The following PLA1A variants were observed in gnomAD, a reference collection of about 807,000 sequenced individuals.
The protein encoded by PLA1A is phosphatidylserine-specific phospholipase A1alpha.
Under a neutral mutation model 49.4 loss-of-function variants are expected in PLA1A, and 47 were observed. The observed-to-expected ratio is 0.95, with a 90% CI of 0.75 to 1.21. The LOEUF is 1.21. Ranked by LOEUF, PLA1A falls within the 50% of genes most tolerant of loss-of-function variation. The probability of loss-of-function intolerance (pLI) is 0.00; values close to 1 mark genes in which losing one functional copy is unlikely to be tolerated. For synonymous variants in PLA1A, 224 were observed against 207.9 expected (o/e 1.08, Z -0.67); for missense variants, 561 against 563.9 (o/e 0.99, Z 0.05).
intron 5 of PLA1A, among the ~76,000 whole-genome samples, chr3:119,615,035 G>GGGCT (rs2082826552): frequency 6.6e-6 from 1 of 152,196 alleles, no homozygotes. Context: ...GACTCATGAT[G>GGGCT]GGCTGCATGT....
intron 1 of PLA1A, among the ~76,000 whole-genome samples, chr3:119,602,012 A>G (rs1456547839): frequency 6.6e-6 from 1 of 152,118 alleles, no homozygotes; most frequent in Non-Finnish European, 1.5e-5. Flanking sequence ...TTGGCCCAGC[A>G]AACCTTGCTG....
At chr3:119,601,641 A>T (rs1232513527) in intron 1 of PLA1A, among the ~76,000 whole-genome samples, 1 of 152,194 alleles carries the variant, frequency 6.6e-6, no homozygotes, top group Non-Finnish European at 1.5e-5. Flanking sequence ...AAATACTGGC[A>T]ATTTTCTTCT....
intron 4 of PLA1A, among the ~76,000 whole-genome samples, chr3:119,611,723 G>T (rs2082766345): frequency 6.6e-6 from 1 of 152,188 alleles, no homozygotes; most frequent in Non-Finnish European, 1.5e-5. Flanking sequence ...CTGAGACTTT[G>T]CTGGAGTTGT....
intron 9 of PLA1A, 49 bp from the exon 10 acceptor site, chr3:119,628,652 G>A (rs201546738): frequency 6.4e-7 from 1 of 1,568,728 alleles, no homozygotes; most frequent in Non-Finnish European, 8.7e-7. Context: ...GGGAAGTACA[G>A]GTGGTAAGGG....
In PLA1A at chr3:119,618,079, A is replaced by G. The variant is rs2082877308; in HGVS notation, c.815A>G (p.Glu272Gly). 3.1e-6 allele frequency: 5 copies of G among 1,613,892 alleles called. No homozygotes were observed. Among genetic ancestry groups the G allele is most frequent in the Non-Finnish European group, 4.2e-6 (5 of 1,179,856 alleles). ...GTGCACCTCTACATCAGCGCCCTGG[A>G]GAATTCCTGTCCACTGATGGCCTTT... ...RAVHLYISALENSCPLMAFPC... is the reference protein window; with the variant it reads ...RAVHLYISALGNSCPLMAFPC... Residue 272 changes from glutamate to glycine, a missense_variant, in exon 7 of 11, where the codon GAG becomes GGG. Glu to Gly is a moderately conservative substitution (Grantham distance 98). Coordinates refer to ENST00000273371, the MANE Select transcript of PLA1A (RefSeq NM_015900.4).
chr3:119,612,729 C>T (rs2082785640), intron 4 of PLA1A, among the ~76,000 whole-genome samples: 1 of 152,154 alleles, frequency 6.6e-6, no homozygotes, highest in Admixed American at 6.5e-5. Context: ...ACCTCGTGAT[C>T]CGCCTGCCTC....
intron 1 of PLA1A, among the ~76,000 whole-genome samples, chr3:119,599,513 T>A (rs1432188225): frequency 2.0e-5 from 3 of 151,612 alleles, no homozygotes; most frequent in Admixed American, 1.3e-4. Context: ...GGTTGAGGAG[T>A]GGGAGGACTA....
At chr3:119,607,370 T>A (rs763759388) in intron 2 of PLA1A, among the ~76,000 whole-genome samples, 1 of 152,262 alleles carries the variant, frequency 6.6e-6, no homozygotes, top group African/African-American at 2.4e-5. Flanking sequence ...GATGGAGCTA[T>A]GCACGTCTCT....
Position 119,609,500 on chromosome 3 carries a change from C to A in PLA1A, c.486C>A (p.Ile162=), listed in dbSNP as rs2082736757. 1.2e-6 allele frequency: 2 copies of A among 1,612,662 alleles called. No homozygotes were observed. Among genetic ancestry groups the A allele is most frequent in the South Asian group, 1.1e-5 (1 of 91,060 alleles). The change falls in exon 4 of 11, where the codon ATC becomes ATA. Residue 162 remains isoleucine (I), a synonymous_variant. Transcript: ENST00000273371. ...GTGTGTCGGAATCCTCAATCCACAT[C>A]ATTGGTGTTAGCCTGGGGGCCCACG... ...VLGVSESSIH[I]IGVSLGAHVG...
chr3:119,608,459 AG>A (rs1428928130), intron 2 of PLA1A, among the ~76,000 whole-genome samples: 8 of 152,202 alleles, frequency 5.3e-5, no homozygotes, highest in Non-Finnish European at 1.2e-4. Flanking sequence ...CCTTGTGCAA[AG>A]GTGCCTGACA....
intron 9 of PLA1A, 126 bp downstream of exon 9, chr3:119,625,358 T>C (rs1577156457): frequency 9.4e-6 from 6 of 638,698 alleles, no homozygotes; most frequent in Non-Finnish European, 1.4e-5. Flanking sequence ...CCGGCTTGGC[T>C]GGGGGCAGCA....
At position 119,629,491 on chromosome 3, in the gene PLA1A, T is replaced by G; in HGVS notation, c.*23T>G. On this transcript the variant is annotated 3_prime_UTR_variant, in exon 11 of 11. Transcript: ENST00000273371. ...TAGTTTAACCTGGGCAGGACACATC[T>G]CCCTGCATTTTTTTTTTTTTTTTGA... 1 of 1,269,966 alleles carries G rather than the reference T, an allele frequency of 7.9e-7. No individual in the cohort carries two copies. Among genetic ancestry groups the G allele is most frequent in the Non-Finnish European group, 1.1e-6 (1 of 894,574 alleles). The allele number at this position is 1,269,966 out of a possible 1,614,324, so 78.7% of individuals were successfully genotyped here.
At position 119,616,103 on chromosome 3, in the gene PLA1A, T is replaced by C; in HGVS notation, c.754+2T>C. The C allele has an allele frequency of 6.2e-7, 1 of 1,601,686 alleles. No individual in the cohort carries two copies. Among genetic ancestry groups the C allele is most frequent in the Non-Finnish European group, 8.6e-7 (1 of 1,168,732 alleles). On this transcript the variant is annotated splice_donor_variant, in intron 6 of 10. Transcript: ENST00000273371. LOFTEE classifies it high-confidence loss of function. ...GCTGCCCCACCTTCTTTTACGCAGG[T>C]CAGAAAGCCAGTACAATCTGGTATT...
chr3:119,616,011 G>A lies in PLA1A; in HGVS notation c.665-1G>A. On this transcript the variant is annotated splice_acceptor_variant, in intron 5 of 10. Coordinates refer to ENST00000273371, the MANE Select transcript of PLA1A (RefSeq NM_015900.4). LOFTEE classifies it high-confidence loss of function. The stretch of plus-strand genomic sequence containing the variant: ...GTTAATGGAGTTGTGCCTCCTTTCA[G>A]ATTTGGGTATTCGGATTCCCGTTGG... 6.2e-7 allele frequency: 1 copy of A among 1,606,388 alleles called. No homozygotes were observed. Among genetic ancestry groups the A allele is most frequent in the Non-Finnish European group, 8.5e-7 (1 of 1,173,046 alleles).
At chr3:119,610,035 C>T (rs1192733345) in intron 4 of PLA1A, among the ~76,000 whole-genome samples, 2 of 152,126 alleles carry the variant, frequency 1.3e-5, no homozygotes, top group African/African-American at 2.4e-5. Context: ...TCCATGTGCA[C>T]CCAATGTTTA....
chr3:119,626,079 T>A (rs556985827), intron 9 of PLA1A, among the ~76,000 whole-genome samples: 1 of 152,098 alleles, frequency 6.6e-6, no homozygotes, highest in African/African-American at 2.4e-5. Flanking sequence ...AAAACAGAGA[T>A]GGGGACACAA....
chr3:119,600,498 T>A lies in PLA1A; in HGVS notation c.73+2512T>A, dbSNP rs2082604117. ...GCTGTGGGGCCTGCTTATTTTCCCT[T>A]TCTCCGCTAGACTTTGAGCTCCCAA... is the stretch of plus-strand genomic sequence containing the variant. On this transcript the variant is annotated intron_variant, in intron 1 of 10. Transcript: ENST00000273371. 5.8e-6 allele frequency: 4 copies of A among 683,962 alleles called. No individual in the cohort carries two copies. In the East Asian group the frequency reaches 1.1e-4, roughly 18 times the overall value. The allele number at this position is 683,962 out of a possible 1,614,324, so 42.4% of individuals were successfully genotyped here. A position where few individuals can be genotyped will look rare whatever the true frequency, so the allele number is the denominator to read the frequency against.
At chr3:119,620,522 A>G (rs559997618) in intron 8 of PLA1A, among the ~76,000 whole-genome samples, 1 of 152,344 alleles carries the variant, frequency 6.6e-6, no homozygotes, top group Admixed American at 6.5e-5. Context: ...CAGCTGTGTG[A>G]TCAGGAACAA....
At position 119,625,123 on chromosome 3, in the gene PLA1A, G is replaced by C. The variant is rs141837682; in HGVS notation, c.1013-1G>C. 132 of 1,604,646 alleles carry C rather than the reference G, an allele frequency of 8.2e-5. No individual in the cohort carries two copies. Among genetic ancestry groups the C allele is most frequent in the Admixed American group, 1.5e-4 (9 of 59,978 alleles). On this transcript the variant is annotated splice_acceptor_variant, in intron 8 of 10. Transcript: ENST00000273371. LOFTEE classifies it high-confidence loss of function. ...GTCTCTGTTGTGCTTTGGTTTCCTA[G>C]TGCATCACAGCCTCGTGGAGTTTCA...
Sources: allele counts gnomAD v4.1 joint callset (sites outside exome capture counted in the v4.1 genomes callset), GRCh38; gene constraint gnomAD v4.1.1; transcripts MANE v1.5; gene names NCBI Gene and HGNC (gene_info 2026-07-23, HGNC 2026-07-21).